The following CLDN18 variants were observed in gnomAD, a reference collection of about 807,000 sequenced individuals.
CLDN18 encodes the protein claudin 18.
A neutral mutation model predicts 25.0 loss-of-function variants in CLDN18; 20 were observed. The ratio of observed to expected loss-of-function variants is 0.80; its 90% confidence interval spans 0.56 to 1.16. The LOEUF is 1.16. CLDN18 is among the 50% of genes most tolerant of loss of function. The pLI is 0.00. For synonymous variants in CLDN18, 125 were observed against 135.6 expected (o/e 0.92, Z 0.54); for missense variants, 297 against 345.4 (o/e 0.86, Z 1.11).
At chr3:138,017,055 C>A (rs368344049) in intron 1 of CLDN18, among the ~76,000 whole-genome samples, 38 of 139,312 alleles carry the variant, frequency 2.7e-4, no homozygotes, top group South Asian at 4.5e-4. Flanking sequence ...GACTCTGTCT[C>A]AAAAAAAAAA....
chr3:138,026,629 A>G (rs1031189632), intron 3 of CLDN18, among the ~76,000 whole-genome samples: 1 of 152,206 alleles, frequency 6.6e-6, no homozygotes, highest in African/African-American at 2.4e-5. Flanking sequence ...TGGGTGACAG[A>G]GCAAGACTCC....
At chr3:138,012,553 C>T (rs1942146549) in intron 1 of CLDN18, among the ~76,000 whole-genome samples, 2 of 152,100 alleles carry the variant, frequency 1.3e-5, no homozygotes, top group South Asian at 4.2e-4. Flanking sequence ...CTGAATTCCC[C>T]CCTCCACCAC....
Position 138,012,799 on chromosome 3 carries a change from T to G in CLDN18, c.220+2354T>G, listed in dbSNP as rs555131571. ...CCAGCAGAGGGGACAGGCATGTGTGTGAATATCAAAGCAAAGGCAACACAT... is the reference window on the plus strand; with the variant it reads ...CCAGCAGAGGGGACAGGCATGTGTGGGAATATCAAAGCAAAGGCAACACAT... On this transcript the variant is annotated intron_variant, in intron 1 of 4. Coordinates refer to ENST00000183605, the MANE Select transcript of CLDN18 (RefSeq NM_016369.4). Among the ~76,000 whole-genome samples, 10 of 152,270 alleles carry G rather than the reference T, an allele frequency of 6.6e-5. No individual in the cohort carries two copies. The South Asian group carries it at 2.1e-3, about 32-fold the overall frequency.
chr3:138,012,169 C>T (rs1942143071), intron 1 of CLDN18, among the ~76,000 whole-genome samples: 1 of 152,184 alleles, frequency 6.6e-6, no homozygotes, highest in Non-Finnish European at 1.5e-5. Flanking sequence ...CTGTCTCTCT[C>T]CTGGGTCACT....
chr3:138,026,506 G>T (rs759170498), intron 3 of CLDN18, among the ~76,000 whole-genome samples: 1 of 152,118 alleles, frequency 6.6e-6, no homozygotes, highest in Non-Finnish European at 1.5e-5. Flanking sequence ...TTAGCTGGGC[G>T]TGGTGGCAGG....
chr3:138,025,388 T>TTAAAA (rs1239493384), intron 3 of CLDN18, among the ~76,000 whole-genome samples: 15 of 152,148 alleles, frequency 9.9e-5, no homozygotes, highest in Non-Finnish European at 2.1e-4. Context: ...TTTAGTCACT[T>TTAAAA]TAAAGGGATA....
chr3:138,003,310 TAC>T (rs1179336244), intron 1 of CLDN18, among the ~76,000 whole-genome samples: 1 of 152,142 alleles, frequency 6.6e-6, no homozygotes, highest in African/African-American at 2.4e-5. Flanking sequence ...TCATGTCTGG[TAC>T]AGGGTGCAGA....
At chr3:138,010,135 A>T, upstream of CLDN18, 1 of 1,506,288 alleles carries the variant, frequency 6.6e-7, no homozygotes, top group Non-Finnish European at 8.9e-7. Context: ...ATCTGATTAG[A>T]AGAGCTCCCC....
At chr3:138,009,127 G>A (rs186605640), upstream of CLDN18, among the ~76,000 whole-genome samples, 3 of 152,218 alleles carry the variant, frequency 2.0e-5, no homozygotes, top group African/African-American at 7.2e-5. Context: ...GTAGAAGATA[G>A]TGTATGAGAT....
At chr3:137,999,808 A>C (rs1246765350) in intron 1 of CLDN18, among the ~76,000 whole-genome samples, 2 of 152,232 alleles carry the variant, frequency 1.3e-5, no homozygotes, top group Non-Finnish European at 2.9e-5. Context: ...GATTGTGTTT[A>C]TTTGCTTAGT....
rs769785278 is a variant in CLDN18 at position 138,030,086 on chromosome 3, C to T, written c.614+179C>T. Among the ~76,000 whole-genome samples the T allele has an allele frequency of 9.2e-5, 14 of 152,320 alleles. No homozygotes were observed. The Middle Eastern group carries it at 0.01, about 111-fold the overall frequency. ...AAAGAACAGAATGGGAATATTTCAG[C>T]CTAGACTGATTTAAATGTGATCCTA... On this transcript the variant is annotated intron_variant, in intron 4 of 4. Transcript: ENST00000183605.
intron 3 of CLDN18, among the ~76,000 whole-genome samples, chr3:138,029,345 C>A (rs1942361545): frequency 6.6e-6 from 1 of 152,090 alleles, no homozygotes; most frequent in Admixed American, 6.5e-5. Context: ...AGGGTTTCAC[C>A]ATGTTGGCCA....
chr3:138,006,746 A>G (rs1942073448), upstream of CLDN18, among the ~76,000 whole-genome samples: 1 of 152,250 alleles, frequency 6.6e-6, no homozygotes, highest in Non-Finnish European at 1.5e-5. Context: ...AAAACACATC[A>G]GTATTTATTT....
intron 1 of CLDN18, among the ~76,000 whole-genome samples, chr3:138,017,871 C>CA (rs1377941218): frequency 6.6e-6 from 1 of 152,228 alleles, no homozygotes; most frequent in Non-Finnish European, 1.5e-5. Flanking sequence ...AATGGGCCTA[C>CA]ACAGCTCAAG....
upstream of CLDN18, among the ~76,000 whole-genome samples, chr3:138,008,663 C>T (rs533329783): frequency 2.3e-4 from 35 of 152,094 alleles, 1 homozygote; most frequent in South Asian, 6.2e-3. Flanking sequence ...CAGTGAGTCA[C>T]GCCTGTAATC....
intron 1 of CLDN18, among the ~76,000 whole-genome samples, chr3:138,022,207 A>G (rs1942278836): frequency 6.6e-6 from 1 of 152,174 alleles, no homozygotes; most frequent in Non-Finnish European, 1.5e-5. Flanking sequence ...CTCTGTGTCC[A>G]GCACAAACAT....
upstream of CLDN18, among the ~76,000 whole-genome samples, chr3:138,008,800 T>C (rs1024953428): frequency 6.6e-6 from 1 of 151,734 alleles, no homozygotes; most frequent in Non-Finnish European, 1.5e-5. Context: ...GTGGTATGCA[T>C]GTATAGTTCC....
At chr3:138,021,153 A>G (rs950644950) in intron 1 of CLDN18, among the ~76,000 whole-genome samples, 20 of 152,184 alleles carry the variant, frequency 1.3e-4, no homozygotes, top group African/African-American at 4.3e-4. Flanking sequence ...GCAACTGCCT[A>G]TGAAAACTAG....
At chr3:138,014,791 T>C (rs1367466840) in intron 1 of CLDN18, among the ~76,000 whole-genome samples, 6 of 152,224 alleles carry the variant, frequency 3.9e-5, no homozygotes, top group Admixed American at 3.3e-4. Context: ...ACACTACAAA[T>C]TGGCACCCCA....
Sources: allele counts gnomAD v4.1 joint callset (sites outside exome capture counted in the v4.1 genomes callset), GRCh38; gene constraint gnomAD v4.1.1; transcripts MANE v1.5; gene names NCBI Gene and HGNC (gene_info 2026-07-23, HGNC 2026-07-21).